Variants in SSBP2 observed in about 807,000 individuals in gnomAD.
The protein encoded by SSBP2 is single-stranded DNA-binding protein 2.
In SSBP2, 17 loss-of-function variants were observed where a neutral mutation model predicts 61.8. That is an observed-to-expected ratio of 0.28 (90% CI 0.19 to 0.41). The LOEUF (loss-of-function observed/expected upper bound fraction) is 0.41, where lower values mean the gene tolerates loss of function less well. Among genes scored for constraint, SSBP2 ranks in the 10% least tolerant of loss-of-function variants. The probability of loss-of-function intolerance (pLI) is 1.00; values close to 1 mark genes in which losing one functional copy is unlikely to be tolerated. For missense variants in SSBP2, 310 were observed against 458.7 expected (o/e 0.68, Z 2.96); for synonymous variants, 139 against 141.3 (o/e 0.98, Z 0.12).
chr5:81,723,488 A>G (rs73768112), intron 1 of SSBP2, among the ~76,000 whole-genome samples: 2,290 of 152,114 alleles, frequency 0.015, 60 homozygotes, highest in African/African-American at 0.052. Context: ...AAAGAAACAC[A>G]CAGAGTAAAA....
chr5:81,557,608 C>T (rs1249215007), intron 4 of SSBP2, among the ~76,000 whole-genome samples: 1 of 152,126 alleles, frequency 6.6e-6, no homozygotes, highest in African/African-American at 2.4e-5. Context: ...TTCAAGTTTA[C>T]TAATCTTTGC....
At position 81,725,177 on chromosome 5, in the gene SSBP2, G is replaced by C. The variant is rs760389347; in HGVS notation, c.62+25804C>G. The stretch of plus-strand genomic sequence containing the variant: ...GAAGAGATCTGAATGGAGTGAGTGA[G>C]CCACGTGAATAAGGGGAAAGAGTTT... On this transcript the variant is annotated intron_variant, in intron 1 of 16. Transcript: ENST00000320672. Among the ~76,000 whole-genome samples the C allele has an allele frequency of 1.6e-4, 25 of 152,124 alleles. 1 individual carries two copies. Among genetic ancestry groups the C allele is most frequent in the Non-Finnish European group, 1.5e-5 (1 of 67,996 alleles).
At chr5:81,672,358 C>T (rs557796825) in intron 1 of SSBP2, among the ~76,000 whole-genome samples, 2 of 151,806 alleles carry the variant, frequency 1.3e-5, no homozygotes, top group Non-Finnish European at 2.9e-5. Context: ...AAGCAAATAC[C>T]CAGAAAATTT....
At chr5:81,615,338 C>T in intron 4 of SSBP2, 135 bp downstream of exon 4, 1 of 709,258 alleles carries the variant, frequency 1.4e-6, no homozygotes, top group Non-Finnish European at 2.5e-6. Context: ...TATGAACCTA[C>T]TTTTCAAGAA....
intron 5 of SSBP2, among the ~76,000 whole-genome samples, chr5:81,509,441 C>A (rs995524894): frequency 1.3e-5 from 2 of 152,168 alleles, no homozygotes; most frequent in Non-Finnish European, 2.9e-5. Flanking sequence ...CCATGGAAAG[C>A]AGCTACTCCT....
At chr5:81,444,012 T>C (rs1763210036) in intron 12 of SSBP2, among the ~76,000 whole-genome samples, 1 of 152,222 alleles carries the variant, frequency 6.6e-6, no homozygotes, top group African/African-American at 2.4e-5. Context: ...CATTAATAAG[T>C]TTATTATTTT....
intron 5 of SSBP2, among the ~76,000 whole-genome samples, chr5:81,496,941 G>C (rs959469621): frequency 2.0e-5 from 3 of 152,158 alleles, no homozygotes; most frequent in Non-Finnish European, 1.5e-5. Context: ...CAGGCCCTCA[G>C]CAACTGTGCA....
At chr5:81,662,151 T>G (rs1278934597) in intron 1 of SSBP2, among the ~76,000 whole-genome samples, 1 of 152,194 alleles carries the variant, frequency 6.6e-6, no homozygotes, top group Non-Finnish European at 1.5e-5. Flanking sequence ...GAAAATGTCA[T>G]TGCCATATCA....
chr5:81,593,401 A>C (rs1180224603), intron 4 of SSBP2, among the ~76,000 whole-genome samples: 1 of 152,224 alleles, frequency 6.6e-6, no homozygotes, highest in Admixed American at 6.5e-5. Context: ...AATGGAACCA[A>C]GTTGGAAAAC....
chr5:81,741,428 T>C (rs1757017494), intron 1 of SSBP2, among the ~76,000 whole-genome samples: 1 of 152,194 alleles, frequency 6.6e-6, no homozygotes, highest in Non-Finnish European at 1.5e-5. Context: ...TATACCATAA[T>C]GTGAACGTAC....
rs781264174 is a variant in SSBP2, at chr5:81,474,533, T to C, written c.462A>G (p.Pro154=). The C allele has an allele frequency of 8.7e-6, 14 of 1,612,114 alleles. No homozygotes were observed. The African/African-American group carries it at 1.2e-4, about 14-fold the overall frequency. Residue 154 remains proline, a synonymous_variant, in exon 7 of 17, where the codon CCA becomes CCG. Coordinates refer to ENST00000320672, the MANE Select transcript of SSBP2 (RefSeq NM_012446.5). ...TTGGATCCATTCCACTGGGGAGTAA[T>C]GGCTGACTTCCTGGGACACCTCCAA...
intron 4 of SSBP2, among the ~76,000 whole-genome samples, chr5:81,542,234 G>A (rs1420527803): frequency 6.6e-6 from 1 of 152,128 alleles, no homozygotes; most frequent in Admixed American, 6.5e-5. Context: ...CACCCAGTGA[G>A]AATGGCAATT....
intron 1 of SSBP2, among the ~76,000 whole-genome samples, chr5:81,749,607 A>T (rs759543596): frequency 1.6e-4 from 24 of 152,084 alleles, no homozygotes; most frequent in Non-Finnish European, 2.8e-4. Flanking sequence ...AACGACAAGG[A>T]TAACTCTGAC....
chr5:81,674,397 G>C (rs1751806062), intron 1 of SSBP2, among the ~76,000 whole-genome samples: 1 of 152,092 alleles, frequency 6.6e-6, no homozygotes, highest in African/African-American at 2.4e-5. Context: ...ATGGCTCACT[G>C]TAGACCAATG....
intron 3 of SSBP2, among the ~76,000 whole-genome samples, chr5:81,625,606 A>G (rs1747066491): frequency 6.6e-6 from 1 of 152,190 alleles, no homozygotes; most frequent in Non-Finnish European, 1.5e-5. Flanking sequence ...ATCTCATATC[A>G]TTTATTATTA....
At chr5:81,580,364 T>C (rs1023811726) in intron 4 of SSBP2, among the ~76,000 whole-genome samples, 3 of 152,062 alleles carry the variant, frequency 2.0e-5, no homozygotes, top group Non-Finnish European at 4.4e-5. Flanking sequence ...TCACAGTGGT[T>C]ATATCCTTGA....
intron 4 of SSBP2, among the ~76,000 whole-genome samples, chr5:81,589,117 T>G (rs879500836): frequency 1.3e-5 from 2 of 152,064 alleles, no homozygotes; most frequent in Non-Finnish European, 2.9e-5. Context: ...CTGGAAACTT[T>G]CCAACGTACT....
chr5:81,509,939 G>A (rs1045934077), intron 5 of SSBP2, among the ~76,000 whole-genome samples: 36 of 152,168 alleles, frequency 2.4e-4, no homozygotes, highest in Non-Finnish European at 5.0e-4. Flanking sequence ...TACTGCCACT[G>A]ATCTTGAATC....
intron 1 of SSBP2, among the ~76,000 whole-genome samples, chr5:81,716,023 C>A (rs763514460): frequency 2.0e-5 from 3 of 151,826 alleles, no homozygotes; most frequent in Non-Finnish European, 4.4e-5. Context: ...CACCACTGCA[C>A]TTCAGCCTGG....
Sources: gnomAD v4.1 joint callset for allele counts (sites outside exome capture counted in the v4.1 genomes callset) on GRCh38, gnomAD v4.1.1 for gene constraint, MANE v1.5 for transcripts, NCBI Gene and HGNC (gene_info 2026-07-23, HGNC 2026-07-21) for gene names.